Variants in KLHL29 observed in about 807,000 individuals in gnomAD.
The protein encoded by KLHL29 is kelch-like protein 29.
In KLHL29, 21 loss-of-function variants were observed where a neutral mutation model predicts 80.4. The ratio of observed to expected loss-of-function variants is 0.26; its 90% CI spans 0.19 to 0.38. KLHL29 has a LOEUF of 0.38. KLHL29 is among the 10% of genes least tolerant of loss of function. The probability of loss-of-function intolerance (pLI) is 1.00; values close to 1 mark genes in which losing one functional copy is unlikely to be tolerated. For synonymous variants in KLHL29, 511 were observed against 526.8 expected, an observed-to-expected ratio of 0.97 and a Z score of 0.41; for missense variants, 867 against 1,223.9, an observed-to-expected ratio of 0.71 and a Z score of 4.35.
intron 1 of KLHL29, among the ~76,000 whole-genome samples, chr2:23,464,274 TG>T: frequency 6.6e-6 from 1 of 152,342 alleles, no homozygotes; most frequent in African/African-American, 2.4e-5. Context: ...CCAGGGTCTC[TG>T]CAAGCCCGGA....
chr2:23,544,387 C>T (rs150548120), intron 2 of KLHL29, among the ~76,000 whole-genome samples: 1 of 152,350 alleles, frequency 6.6e-6, no homozygotes, highest in African/African-American at 2.4e-5. Flanking sequence ...CTGCCACTTT[C>T]TAGCTGGGAG....
At chr2:23,656,814 C>T (rs1670258976) in intron 5 of KLHL29, among the ~76,000 whole-genome samples, 1 of 152,058 alleles carries the variant, frequency 6.6e-6, no homozygotes, top group Non-Finnish European at 1.5e-5. Context: ...CGGCATCTCC[C>T]AGGCTGAGCA....
At chr2:23,692,439 G>T (rs1180061193) in intron 7 of KLHL29, among the ~76,000 whole-genome samples, 1 of 152,238 alleles carries the variant, frequency 6.6e-6, no homozygotes, top group Non-Finnish European at 1.5e-5. Context: ...ATGGGCGACG[G>T]CAAGGTGAGG....
At position 23,562,173 on chromosome 2, in the gene KLHL29, G is replaced by A; in HGVS notation, c.-24G>A. ...ACAGGTCCGGGCTCTGTTTCCCTGTGAGAAGCCGCCTCGGCCCACCGAGAT... is the reference window on the plus strand; with the variant it reads ...ACAGGTCCGGGCTCTGTTTCCCTGTAAGAAGCCGCCTCGGCCCACCGAGAT... On this transcript the variant is annotated 5_prime_UTR_variant, in exon 3 of 14. Coordinates refer to ENST00000486442, the MANE Select transcript of KLHL29 (RefSeq NM_052920.2). The surrounding 1 kb of genome is among the most constrained non-coding windows in gnomAD (Gnocchi z 4.5). The A allele has an allele frequency of 1.3e-6, 2 of 1,544,400 alleles. No individual in the cohort carries two copies. Among genetic ancestry groups the A allele is most frequent in the Non-Finnish European group, 1.7e-6 (2 of 1,145,006 alleles).
intron 3 of KLHL29, among the ~76,000 whole-genome samples, chr2:23,609,325 G>C (rs376722034): frequency 3.9e-5 from 6 of 152,140 alleles, no homozygotes; most frequent in African/African-American, 1.4e-4. Flanking sequence ...GTGTGGGAGA[G>C]AGAATTCCCT....
intron 5 of KLHL29, 67 bp downstream of exon 5, chr2:23,642,917 C>T (rs1669814481): frequency 2.6e-6 from 4 of 1,521,654 alleles, no homozygotes; most frequent in Non-Finnish European, 3.6e-6. Flanking sequence ...GTCACTGCAA[C>T]ACCACCGGGA....
intron 3 of KLHL29, among the ~76,000 whole-genome samples, chr2:23,613,780 A>C (rs1265191884): frequency 1.3e-5 from 2 of 150,020 alleles, no homozygotes; most frequent in African/African-American, 4.9e-5. Flanking sequence ...AAAAAAAAAA[A>C]AAAAAAAAAA....
intron 3 of KLHL29, among the ~76,000 whole-genome samples, chr2:23,584,419 G>T (rs892746468): frequency 2.0e-5 from 3 of 152,256 alleles, no homozygotes; most frequent in African/African-American, 7.2e-5. Flanking sequence ...GAAACTCTGG[G>T]ACTAGGGAGG....
In KLHL29 at chr2:23,703,827, C is replaced by T. The variant is rs772009025; in HGVS notation, c.2408C>T (p.Ala803Val). The T allele has an allele frequency of 4.6e-6, 7 of 1,537,276 alleles. No individual in the cohort carries two copies. The highest frequency in any genetic ancestry group is 3.9e-5 in the Admixed American group (2 of 50,964). The change falls in exon 13 of 14, where the codon GCG (alanine) becomes GTG (valine). Residue 803 changes from alanine to valine, a missense_variant. This residue lies in a region of KLHL29 where 443 missense variants were observed against 767.0 expected (regional missense o/e 0.58). Transcript: ENST00000486442. Reference protein sequence around the residue: ...IYDPEKGNIKAGPNMNHSRQF... With the variant: ...IYDPEKGNIKVGPNMNHSRQF... ...GACCCTGAGAAAGGAAACATTAAGG[C>T]GGGCCCAAACATGAACCACTCTCGC... is the stretch of plus-strand genomic sequence containing the variant.
chr2:23,471,654 C>T (rs1466427441), intron 1 of KLHL29, among the ~76,000 whole-genome samples: 1 of 152,148 alleles, frequency 6.6e-6, no homozygotes, highest in African/African-American at 2.4e-5. Context: ...AGTCCTCTGT[C>T]CTTTAGCTTT....
chr2:23,524,603 A>G (rs1205000360), intron 2 of KLHL29, among the ~76,000 whole-genome samples: 2 of 151,698 alleles, frequency 1.3e-5, no homozygotes, highest in Admixed American at 6.6e-5. Flanking sequence ...GTGGCCTTCA[A>G]CTCAGAGAGG....
At chr2:23,449,588 C>G (rs1663808714) in intron 1 of KLHL29, among the ~76,000 whole-genome samples, 2 of 152,024 alleles carry the variant, frequency 1.3e-5, no homozygotes, top group African/African-American at 4.8e-5. Context: ...CCAGTGTGTT[C>G]TTATAGCAAT....
intron 3 of KLHL29, among the ~76,000 whole-genome samples, chr2:23,631,044 G>A (rs1669454267): frequency 6.6e-6 from 1 of 152,206 alleles, no homozygotes. Context: ...ATTTACAGAT[G>A]ACCCTTGGGG....
intron 1 of KLHL29, among the ~76,000 whole-genome samples, chr2:23,463,108 T>TA (rs1433445881): frequency 6.6e-6 from 1 of 151,126 alleles, no homozygotes; most frequent in Non-Finnish European, 1.5e-5. Context: ...TTTTAATCAC[T>TA]AGAGTGACTT....
At chr2:23,485,190 G>T (rs759278335) in intron 2 of KLHL29, among the ~76,000 whole-genome samples, 1 of 152,144 alleles carries the variant, frequency 6.6e-6, no homozygotes, top group Admixed American at 6.5e-5. Context: ...GCCTCTGGCT[G>T]TGCTCCTGGC....
intron 1 of KLHL29, among the ~76,000 whole-genome samples, chr2:23,455,378 A>G (rs1339462608): frequency 6.6e-6 from 1 of 152,196 alleles, no homozygotes; most frequent in Non-Finnish European, 1.5e-5. Context: ...TAGTTTTGCT[A>G]GATTTGGTTG....
At chr2:23,453,343 G>A (rs1042757309) in intron 1 of KLHL29, among the ~76,000 whole-genome samples, 5 of 152,204 alleles carry the variant, frequency 3.3e-5, no homozygotes, top group African/African-American at 7.2e-5. Flanking sequence ...AAAATGCAGC[G>A]GTTGCCAGCC....
At chr2:23,516,409 C>T (rs758202695) in intron 2 of KLHL29, among the ~76,000 whole-genome samples, 18 of 152,104 alleles carry the variant, frequency 1.2e-4, no homozygotes, top group East Asian at 1.9e-4. Context: ...CGCACACACA[C>T]GTGGGAATGC....
chr2:23,559,125 G>C (rs572678426), intron 2 of KLHL29, among the ~76,000 whole-genome samples: 1 of 152,124 alleles, frequency 6.6e-6, no homozygotes, highest in South Asian at 2.1e-4. Flanking sequence ...GGGGAGGGTC[G>C]GAAGCCATTC....
Sources: gnomAD v4.1 joint callset for allele counts (sites outside exome capture counted in the v4.1 genomes callset) on GRCh38, gnomAD v4.1.1 for gene constraint, gnomAD v4.1.1 regional missense constraint, Gnocchi (gnomAD v3.1) non-coding constraint, MANE v1.5 for transcripts, NCBI Gene and HGNC (gene_info 2026-07-23, HGNC 2026-07-21) for gene names.